Variants in COL4A2 observed in about 807,000 individuals in gnomAD.
The protein encoded by COL4A2 is collagen alpha-2(IV) chain.
A neutral mutation model predicts 200.2 loss-of-function variants in COL4A2; 99 were observed. That is an observed-to-expected ratio of 0.49 (90% CI 0.42 to 0.58). The LOEUF (loss-of-function observed/expected upper bound fraction) is 0.58, where lower values mean the gene tolerates loss of function less well. Among genes scored for constraint, COL4A2 ranks in the 20% least tolerant of loss-of-function variants. COL4A2 has a pLI of 0.00. For synonymous variants in COL4A2, 897 were observed against 900.6 expected, an observed-to-expected ratio of 1.00 and a Z score of 0.07; for missense variants, 1,950 against 2,314.1, an observed-to-expected ratio of 0.84 and a Z score of 3.23.
At chr13:110,363,739 C>G (rs933175609) in intron 4 of COL4A2, among the ~76,000 whole-genome samples, 1 of 152,212 alleles carries the variant, frequency 6.6e-6, no homozygotes, top group African/African-American at 2.4e-5. Context: ...CCGTCATAAA[C>G]CCTACCCTTC....
At chr13:110,490,396 T>A (rs1250673017) in intron 36 of COL4A2, among the ~76,000 whole-genome samples, 1 of 152,246 alleles carries the variant, frequency 6.6e-6, no homozygotes, top group Non-Finnish European at 1.5e-5. Flanking sequence ...CTCAAGTTGC[T>A]GGAGCCCCAG....
chr13:110,442,381 G>C (rs7322736), intron 16 of COL4A2, among the ~76,000 whole-genome samples: 121,581 of 152,226 alleles, frequency 0.8, 49,033 homozygotes, highest in Middle Eastern at 0.91. Context: ...CGCAGCCGCC[G>C]TGCTTGTGAG....
chr13:110,369,286 A>T (rs1877897518), intron 4 of COL4A2, among the ~76,000 whole-genome samples: 1 of 152,150 alleles, frequency 6.6e-6, no homozygotes, highest in African/African-American at 2.4e-5. Context: ...CTAATCCAAA[A>T]ATCCAAAATC....
At chr13:110,485,154 C>G in intron 33 of COL4A2, 127 bp downstream of exon 33, 1 of 784,104 alleles carries the variant, frequency 1.3e-6, no homozygotes, top group Admixed American at 3.0e-5. Context: ...CTTTTCATCT[C>G]TGGGCGCCCT....
At chr13:110,380,725 G>A (rs565646428) in intron 4 of COL4A2, among the ~76,000 whole-genome samples, 88 of 144,516 alleles carry the variant, frequency 6.1e-4, no homozygotes, top group African/African-American at 2.1e-3. Flanking sequence ...TCACACCCAC[G>A]TGCTCTATCT....
At chr13:110,340,100 G>A (rs1041017423) in intron 3 of COL4A2, among the ~76,000 whole-genome samples, 1 of 152,188 alleles carries the variant, frequency 6.6e-6, no homozygotes, top group East Asian at 1.9e-4. Context: ...TGGGCACCTG[G>A]TGCCCCTGCA....
intron 3 of COL4A2, among the ~76,000 whole-genome samples, chr13:110,355,508 C>T (rs1323618074): frequency 3.9e-5 from 3 of 76,264 alleles, no homozygotes; most frequent in Admixed American, 2.7e-4. Flanking sequence ...ACTAGCTCAC[C>T]TGTGTGTGTG....
chr13:110,324,012 G>T (rs1770387040), intron 3 of COL4A2, among the ~76,000 whole-genome samples: 1 of 152,178 alleles, frequency 6.6e-6, no homozygotes, highest in African/African-American at 2.4e-5. Flanking sequence ...AAAATTATTG[G>T]GTAGACAGAC....
At chr13:110,480,932 GT>G (rs1174722134) in intron 31 of COL4A2, among the ~76,000 whole-genome samples, 3 of 114,460 alleles carry the variant, frequency 2.6e-5, no homozygotes, top group Admixed American at 8.9e-5. Flanking sequence ...CTGTCCCTCC[GT>G]TGCTGGAGAC....
At chr13:110,346,010 G>C (rs1347500830) in intron 3 of COL4A2, among the ~76,000 whole-genome samples, 1 of 152,130 alleles carries the variant, frequency 6.6e-6, no homozygotes, top group African/African-American at 2.4e-5. Context: ...CCCAGCTCCG[G>C]GGCGCTGCTG....
In COL4A2 at chr13:110,307,736, T is replaced by A. The variant is rs1256063940; in HGVS notation, c.-44-124T>A. ...TTCCGGGTCGTGGGGGGGACGGCCC[T>A]CCGGTCACCCCTGCATGCGGGCCGC... On this transcript the variant is annotated intron_variant, in intron 1 of 47. Transcript: ENST00000360467. The surrounding 1 kb of genome is among the most constrained non-coding windows in gnomAD (Gnocchi z 5.0). 1.1e-6 allele frequency: 1 copy of A among 901,542 alleles called. No homozygotes were observed. Among genetic ancestry groups the A allele is most frequent in the Non-Finnish European group, 1.6e-6 (1 of 610,172 alleles). The allele number at this position is 901,542 out of a possible 1,614,324, so 55.8% of individuals were successfully genotyped here.
intron 4 of COL4A2, among the ~76,000 whole-genome samples, chr13:110,364,783 C>G (rs1179934646): frequency 6.6e-6 from 1 of 152,200 alleles, no homozygotes; most frequent in Non-Finnish European, 1.5e-5. Context: ...CCCAGATCCT[C>G]CCTCTACCCC....
At chr13:110,509,435 A>G (rs1330423229) in intron 47 of COL4A2, among the ~76,000 whole-genome samples, 1 of 152,112 alleles carries the variant, frequency 6.6e-6, no homozygotes, top group Non-Finnish European at 1.5e-5. Context: ...AGTTGGAGCA[A>G]CAGGATGCTA....
intron 3 of COL4A2, among the ~76,000 whole-genome samples, chr13:110,338,515 G>C (rs1876309646): frequency 6.6e-6 from 1 of 152,176 alleles, no homozygotes; most frequent in Admixed American, 6.5e-5. Context: ...AATTCTACTA[G>C]AGCAGGAGGG....
At chr13:110,465,961 G>T in intron 25 of COL4A2, 42 bp from the exon 26 acceptor site, 1 of 1,603,226 alleles carries the variant, frequency 6.2e-7, no homozygotes, top group Non-Finnish European at 8.5e-7. Context: ...ACTCTTATCT[G>T]TTTCAAAATT....
intron 3 of COL4A2, among the ~76,000 whole-genome samples, chr13:110,311,455 G>A (rs961691346): frequency 2.0e-5 from 3 of 152,184 alleles, no homozygotes; most frequent in Non-Finnish European, 4.4e-5. Context: ...GGGCAGCTGA[G>A]GGGCTGCCGC....
chr13:110,482,015 G>C (rs1882950051), intron 31 of COL4A2, among the ~76,000 whole-genome samples: 1 of 152,168 alleles, frequency 6.6e-6, no homozygotes, highest in African/African-American at 2.4e-5. Context: ...TCCATTGCTG[G>C]AGACACATGG....
At chr13:110,453,611 A>G (rs1047086637) in intron 20 of COL4A2, among the ~76,000 whole-genome samples, 1 of 152,254 alleles carries the variant, frequency 6.6e-6, no homozygotes, top group African/African-American at 2.4e-5. Context: ...AGCATATGCC[A>G]TCTTGCTTTT....
At chr13:110,461,329 T>G (rs1882018173) in intron 22 of COL4A2, among the ~76,000 whole-genome samples, 1 of 152,206 alleles carries the variant, frequency 6.6e-6, no homozygotes. Context: ...TCAGTGCTTC[T>G]CAAAAGGCAC....
Sources: allele counts gnomAD v4.1 joint callset (sites outside exome capture counted in the v4.1 genomes callset), GRCh38; gene constraint gnomAD v4.1.1; non-coding constraint Gnocchi (gnomAD v3.1); transcripts MANE v1.5; gene names NCBI Gene and HGNC (gene_info 2026-07-23, HGNC 2026-07-21).